The following DYSF variants were observed in gnomAD, a reference collection of about 807,000 sequenced individuals.
DYSF encodes dysferlin.
Under a neutral mutation model 274.9 loss-of-function variants are expected in DYSF, and 212 were observed. The ratio of observed to expected loss-of-function variants is 0.77; its 90% CI spans 0.69 to 0.86. The LOEUF (loss-of-function observed/expected upper bound fraction) is 0.86, where lower values mean the gene tolerates loss of function less well. Ranked by LOEUF, DYSF falls within the 40% of genes least tolerant of loss-of-function variation. DYSF has a pLI of 0.00. For missense variants in DYSF, 2,666 were observed against 2,783.2 expected, an observed-to-expected ratio of 0.96 and a Z score of 0.95; for synonymous variants, 1,091 against 1,078.7, an observed-to-expected ratio of 1.01 and a Z score of -0.22.
chr2:71,571,385 TCAGCACACA>T (rs2092431459), intron 29 of DYSF, among the ~76,000 whole-genome samples: 1 of 55,094 alleles, frequency 1.8e-5, no homozygotes, highest in Non-Finnish European at 3.5e-5. Context: ...CAGATCACAG[TCAGCACACA>T]CAGATCACAC....
chr2:71,515,716 C>T lies in DYSF; in HGVS notation c.853C>T (p.Arg285Trp), dbSNP rs149827237. Residue 285 changes from arginine (R) to tryptophan (W), a missense_variant, in exon 8 of 56, where the codon CGG (arginine) becomes TGG (tryptophan). Physicochemically the swap from Arg to Trp is moderately radical, Grantham distance 101 (BLOSUM62 -3). Around this residue, in one of 3 missense-constraint regions of DYSF, gnomAD observed 794 missense variants for 777.1 expected, o/e 1.02. Transcript: ENST00000410020. The part of the protein sequence containing the change: ...VTAAGQTKRT[R>W]IHKGNSPLFN... ...CGCTGCAGGGCAGACCAAGCGGACG[C>T]GGATCCACAAGGGAAACAGCCCACT... 1.6e-4 allele frequency: 256 copies of T among 1,614,088 alleles called. No individual in the cohort carries two copies. The highest frequency in any genetic ancestry group is 1.9e-4 in the Non-Finnish European group (223 of 1,180,018).
chr2:71,667,590 C>G (rs1418501824), intron 48 of DYSF, 75 bp downstream of exon 48: 1 of 1,590,242 alleles, frequency 6.3e-7, no homozygotes, highest in Non-Finnish European at 8.6e-7. Flanking sequence ...CATGGATATC[C>G]CAGAGGAGCC....
At chr2:71,561,621 G>C in intron 22 of DYSF, 131 bp from the exon 23 acceptor site, 3 of 982,862 alleles carry the variant, frequency 3.1e-6, no homozygotes, top group Admixed American at 1.8e-5. Flanking sequence ...TGTGTGGAGC[G>C]GGCTGGAGAA....
At chr2:71,477,122 T>C (rs2082454904) in intron 1 of DYSF, among the ~76,000 whole-genome samples, 1 of 152,084 alleles carries the variant, frequency 6.6e-6, no homozygotes, top group Non-Finnish European at 1.5e-5. Context: ...CGACGTTCCA[T>C]GAGAATGCAG....
chr2:71,540,747 G>A lies in DYSF; in HGVS notation c.1576+1508G>A, dbSNP rs1341630900. Among the ~76,000 whole-genome samples, 6 of 151,306 alleles carry A rather than the reference G, an allele frequency of 4.0e-5. No individual in the cohort carries two copies. The South Asian group carries it at 1.0e-3, about 26-fold the overall frequency. ...TATTTATGTTCTCAGTCCATATGAG[G>A]AAATGTTTATCTTTTTCTCATACCT... On this transcript the variant is annotated intron_variant, in intron 17 of 55. Transcript: ENST00000410020.
intron 22 of DYSF, among the ~76,000 whole-genome samples, chr2:71,560,614 A>T (rs1048320173): frequency 1.3e-5 from 2 of 152,182 alleles, no homozygotes; most frequent in African/African-American, 2.4e-5. Context: ...AAATTCAATT[A>T]AAAAAAATAA....
chr2:71,682,412 C>A, intron 54 of DYSF, 118 bp from the exon 55 acceptor site: 1 of 1,294,030 alleles, frequency 7.7e-7, no homozygotes, highest in Non-Finnish European at 1.1e-6. Context: ...AGGGCCTGGG[C>A]AGGCGCTGGG....
Position 71,505,331 on chromosome 2 carries a change from G to A in DYSF, c.345+2012G>A, listed in dbSNP as rs115781461. On this transcript the variant is annotated intron_variant, in intron 4 of 55. Transcript: ENST00000410020. ...ACAACATTGAGGGTTCTCGCTGGCC[G>A]CTCACTGAGACCTCATTTCTGAGCT... 2.6e-3 allele frequency among the ~76,000 whole-genome samples: 402 copies of A among 152,342 alleles called. 4 individuals carry two copies. Among genetic ancestry groups the A allele is most frequent in the African/African-American group, 8.8e-3 (364 of 41,582 alleles).
Position 71,539,238 on chromosome 2 carries a change from AG to A in DYSF, c.1576+1del, listed in dbSNP as rs1553537332. 1 of 1,613,688 alleles carries A rather than the reference AG, an allele frequency of 6.2e-7. No homozygotes were observed. Among genetic ancestry groups the A allele is most frequent in the South Asian group, 1.1e-5 (1 of 91,074 alleles). ...KISAPGGEIEVDDYLGFLPTF... is the reference protein window; with the variant it reads ...KISAPGGEIEXDDYLGFLPTF... The stretch of plus-strand genomic sequence containing the variant: ...TCTCTGCCCCTGGAGGAGAAATAGA[AG>A]GTATGTTCCCTCTTCGTTCTGCCCT... On this transcript the variant is annotated frameshift_variant and splice_region_variant, in exon 17 of 56. Transcript: ENST00000410020. LOFTEE classifies it high-confidence loss of function.
At chr2:71,519,680 T>C (rs934295312) in intron 10 of DYSF, among the ~76,000 whole-genome samples, 2 of 152,184 alleles carry the variant, frequency 1.3e-5, no homozygotes, top group African/African-American at 4.8e-5. Context: ...TTTTTGCTCT[T>C]GTTGCCAAGG....
intron 34 of DYSF, 93 bp from the exon 35 acceptor site, chr2:71,601,406 G>C (rs767121967): frequency 1.3e-6 from 2 of 1,525,598 alleles, no homozygotes; most frequent in Non-Finnish European, 1.8e-6. Context: ...ACCATGGACT[G>C]TCTGATCACT....
Position 71,466,780 on chromosome 2 carries a change from C to A in DYSF, c.-63C>A. On this transcript the variant is annotated 5_prime_UTR_variant, in exon 1 of 56. Transcript: ENST00000410020. Reference sequence around the variant, plus strand: ...GCCGGGCGCTTGCTGGGTGGGTGCTCGGGCCCGGTGCTCCCGCTCCCGCCC... The same window carrying A: ...GCCGGGCGCTTGCTGGGTGGGTGCTAGGGCCCGGTGCTCCCGCTCCCGCCC... 2 of 1,434,302 alleles carry A rather than the reference C, an allele frequency of 1.4e-6. No homozygotes were observed. Among genetic ancestry groups the A allele is most frequent in the South Asian group, 2.8e-5 (2 of 71,012 alleles). The allele number at this position is 1,434,302 out of a possible 1,614,324, so 88.8% of individuals were successfully genotyped here.
intron 4 of DYSF, among the ~76,000 whole-genome samples, chr2:71,509,694 G>A (rs867268017): frequency 5.3e-5 from 8 of 152,146 alleles, no homozygotes; most frequent in Middle Eastern, 3.4e-3. Context: ...TGTTTCTATT[G>A]TCTCAGATTT....
intron 3 of DYSF, among the ~76,000 whole-genome samples, chr2:71,498,438 A>T (rs1020481361): frequency 6.6e-6 from 1 of 152,174 alleles, no homozygotes; most frequent in African/African-American, 2.4e-5. Flanking sequence ...GGACCACATG[A>T]CCAGATGAGC....
chr2:71,511,431 A>G (rs985628725), intron 4 of DYSF, among the ~76,000 whole-genome samples: 8 of 152,154 alleles, frequency 5.3e-5, no homozygotes, highest in Non-Finnish European at 1.0e-4. Context: ...GTGAGGTTGG[A>G]TCCCTGATTC....
At chr2:71,595,516 C>G (rs781080331) in intron 32 of DYSF, among the ~76,000 whole-genome samples, 1 of 152,106 alleles carries the variant, frequency 6.6e-6, no homozygotes, top group Non-Finnish European at 1.5e-5. Context: ...GTGGGAAGGC[C>G]GAGGAGGAAA....
chr2:71,656,136 C>T, intron 42 of DYSF, 26 bp from the exon 43 acceptor site: 2 of 1,613,960 alleles, frequency 1.2e-6, no homozygotes, highest in South Asian at 1.1e-5. Flanking sequence ...TCTCTTGTCC[C>T]CTCCTCTAAT....
chr2:71,453,878 G>C (rs1328090589), exon 1 of DYSF: 11 of 989,304 alleles, frequency 1.1e-5, no homozygotes, highest in South Asian at 6.8e-5. Context: ...CCAGAGATTC[G>C]AGCCGGCCTC....
At chr2:71,591,301 T>C (rs1385011439) in intron 32 of DYSF, among the ~76,000 whole-genome samples, 1 of 152,234 alleles carries the variant, frequency 6.6e-6, no homozygotes, top group Non-Finnish European at 1.5e-5. Flanking sequence ...CCTCAGCACT[T>C]GGCCAGTGCC....
Sources: allele counts gnomAD v4.1 joint callset (sites outside exome capture counted in the v4.1 genomes callset), GRCh38; gene constraint gnomAD v4.1.1; regional missense constraint gnomAD v4.1.1; transcripts MANE v1.5; gene names NCBI Gene and HGNC (gene_info 2026-07-23, HGNC 2026-07-21).